The following EPM2A variants were observed in gnomAD, a reference collection of about 807,000 sequenced individuals.
EPM2A encodes the protein EPM2A glucan phosphatase, laforin, also known as laforin.
Under a neutral mutation model 26.5 loss-of-function variants are expected in EPM2A, and 21 were observed. The observed-to-expected ratio is 0.79, with a 90% CI of 0.56 to 1.14. The LOEUF is 1.14. Among genes scored for constraint, EPM2A ranks in the 50% most tolerant of loss-of-function variants. The probability of loss-of-function intolerance (pLI) is 0.00; values close to 1 mark genes in which losing one functional copy is unlikely to be tolerated. For missense variants in EPM2A, 458 were observed against 440.8 expected (o/e 1.04, Z -0.35); for synonymous variants, 217 against 177.6 (o/e 1.22, Z -1.76).
rs930719741 is a variant in EPM2A, at chr6:145,673,716, T to TG, written c.476+12405dup. On this transcript the variant is annotated intron_variant, in intron 2 of 3. Coordinates refer to ENST00000367519, the MANE Select transcript of EPM2A (RefSeq NM_005670.4). ...ATCAACCTGAGAGGCTGCAGCCTGG[T>TG]GGGGGGAGGGGAGGGCGTCTGCTAT... 5.3e-5 allele frequency among the ~76,000 whole-genome samples: 8 copies of TG among 151,690 alleles called. No individual in the cohort carries two copies. The East Asian group carries it at 9.7e-4, about 18-fold the overall frequency.
At chr6:145,469,441 A>G (rs1002727474) in intron 4 of EPM2A, among the ~76,000 whole-genome samples, 2 of 152,138 alleles carry the variant, frequency 1.3e-5, no homozygotes, top group African/African-American at 4.8e-5. Context: ...ATCATTGATA[A>G]TCAGAAAAAT....
At chr6:145,718,993 G>A (rs1775798271) in intron 1 of EPM2A, among the ~76,000 whole-genome samples, 1 of 152,212 alleles carries the variant, frequency 6.6e-6, no homozygotes, top group Non-Finnish European at 1.5e-5. Flanking sequence ...GAGAGGATGT[G>A]GAGAAATAGG....
intron 1 of EPM2A, among the ~76,000 whole-genome samples, chr6:145,733,128 T>C (rs1308242746): frequency 1.1e-4 from 17 of 152,226 alleles, no homozygotes; most frequent in Admixed American, 1.1e-3. Flanking sequence ...TAAAACTTGA[T>C]AATGTAAAAG....
At chr6:145,702,422 T>TA (rs1444659934) in intron 1 of EPM2A, among the ~76,000 whole-genome samples, 1 of 150,754 alleles carries the variant, frequency 6.6e-6, no homozygotes, top group Non-Finnish European at 1.5e-5. Flanking sequence ...TTGTAAACAG[T>TA]AATGAGAAAA....
intron 1 of EPM2A, among the ~76,000 whole-genome samples, chr6:145,712,515 A>G (rs776467097): frequency 6.6e-6 from 1 of 152,186 alleles, no homozygotes; most frequent in Non-Finnish European, 1.5e-5. Context: ...AAGCACAAGC[A>G]AAGCAATGGC....
chr6:145,440,832 C>A (rs1180704255), intron 4 of EPM2A, among the ~76,000 whole-genome samples: 1 of 152,194 alleles, frequency 6.6e-6, no homozygotes, highest in Non-Finnish European at 1.5e-5. Flanking sequence ...TGCCCTATGG[C>A]CTTGCAGGGG....
intron 4 of EPM2A, among the ~76,000 whole-genome samples, chr6:145,458,439 G>C (rs192753048): frequency 2.0e-5 from 3 of 152,142 alleles, no homozygotes; most frequent in Admixed American, 6.5e-5. Context: ...CTATTCCTAC[G>C]CTGGATTTAA....
intron 4 of EPM2A, among the ~76,000 whole-genome samples, chr6:145,476,193 C>A (rs1329407911): frequency 6.6e-6 from 1 of 151,922 alleles, no homozygotes; most frequent in Non-Finnish European, 1.5e-5. Context: ...AAGCAGTTGA[C>A]TACATAGGAT....
chr6:145,621,540 A>G (rs371156554), downstream of EPM2A, among the ~76,000 whole-genome samples: 104 of 151,436 alleles, frequency 6.9e-4, 2 homozygotes, highest in South Asian at 0.021. Flanking sequence ...GGCTGTACTG[A>G]TTTACATTCT....
chr6:145,501,407 C>G (rs996856672), downstream of EPM2A, among the ~76,000 whole-genome samples: 2 of 152,116 alleles, frequency 1.3e-5, no homozygotes, highest in African/African-American at 4.8e-5. Context: ...TTTTCTTACT[C>G]TTGTCCTTTT....
chr6:145,612,724 A>G (rs1775418507), intron 2 of EPM2A, among the ~76,000 whole-genome samples: 1 of 148,024 alleles, frequency 6.8e-6, no homozygotes, highest in Non-Finnish European at 1.5e-5. Context: ...TATATATATT[A>G]TATATATTAT....
intron 4 of EPM2A, among the ~76,000 whole-genome samples, chr6:145,471,626 C>T (rs1779474235): frequency 6.6e-6 from 1 of 152,160 alleles, no homozygotes; most frequent in African/African-American, 2.4e-5. Flanking sequence ...GCGGAGAACA[C>T]AGCAATTCTG....
chr6:145,645,593 C>A (rs769492271), intron 2 of EPM2A, among the ~76,000 whole-genome samples: 9 of 152,046 alleles, frequency 5.9e-5, no homozygotes, highest in Non-Finnish European at 8.8e-5. Context: ...GGATAAGCCA[C>A]CATCCTGGCA....
intron 2 of EPM2A, among the ~76,000 whole-genome samples, chr6:145,533,359 C>T (rs1477223482): frequency 6.6e-6 from 1 of 152,134 alleles, no homozygotes; most frequent in African/African-American, 2.4e-5. Flanking sequence ...TCCAGTTTTG[C>T]CCCACTCTTC....
At chr6:145,467,162 A>T (rs923662070) in intron 4 of EPM2A, among the ~76,000 whole-genome samples, 1 of 151,986 alleles carries the variant, frequency 6.6e-6, no homozygotes, top group South Asian at 2.1e-4. Context: ...ATAAATAAAT[A>T]AAAATTATAA....
intron 2 of EPM2A, among the ~76,000 whole-genome samples, chr6:145,679,284 A>T (rs1229185173): frequency 6.6e-6 from 1 of 152,102 alleles, no homozygotes; most frequent in Non-Finnish European, 1.5e-5. Context: ...GGGGCGGGAT[A>T]TCATTAGAAG....
intron 1 of EPM2A, among the ~76,000 whole-genome samples, chr6:145,699,442 T>A (rs1466060016): frequency 6.6e-6 from 1 of 152,114 alleles, no homozygotes; most frequent in African/African-American, 2.4e-5. Context: ...GTGGTGTGCA[T>A]ATGAATGTAG....
At chr6:145,513,463 G>A (rs1185489867) in intron 2 of EPM2A, among the ~76,000 whole-genome samples, 1 of 152,202 alleles carries the variant, frequency 6.6e-6, no homozygotes, top group Non-Finnish European at 1.5e-5. Context: ...ATGTAAATTA[G>A]TTCAACCTCT....
intron 2 of EPM2A, among the ~76,000 whole-genome samples, chr6:145,654,274 C>T (rs181842279): frequency 4.0e-5 from 6 of 151,680 alleles, no homozygotes; most frequent in South Asian, 2.1e-4. Flanking sequence ...CCTCTGCCTT[C>T]GGGTTCAAGC....
Sources: gnomAD v4.1 joint callset for allele counts (sites outside exome capture counted in the v4.1 genomes callset) on GRCh38, gnomAD v4.1.1 for gene constraint, MANE v1.5 for transcripts, NCBI Gene and HGNC (gene_info 2026-07-23, HGNC 2026-07-21) for gene names.